Variants in PSD3 observed in about 807,000 individuals in gnomAD.
PSD3 encodes PH and SEC7 domain-containing protein 3.
PSD3 carries 49 observed loss-of-function variants against 105.5 expected under a neutral mutation model. The ratio of observed to expected loss-of-function variants is 0.46; its 90% CI spans 0.37 to 0.59. The LOEUF (loss-of-function observed/expected upper bound fraction) is 0.59, where lower values mean the gene tolerates loss of function less well. Ranked by LOEUF, PSD3 falls within the 20% of genes least tolerant of loss-of-function variation. The pLI is 0.00. For synonymous variants in PSD3, 557 were observed against 457.8 expected (o/e 1.22, Z -2.77); for missense variants, 1,561 against 1,263.8 (o/e 1.24, Z -3.57).
chr8:19,026,529 A>G (rs1827555268), intron 1 of PSD3, among the ~76,000 whole-genome samples: 1 of 151,974 alleles, frequency 6.6e-6, no homozygotes, highest in Non-Finnish European at 1.5e-5. Flanking sequence ...AGTTTCCAGC[A>G]CTGGGTATAT....
At chr8:18,616,203 T>G (rs1343544530) in intron 11 of PSD3, among the ~76,000 whole-genome samples, 1 of 152,234 alleles carries the variant, frequency 6.6e-6, no homozygotes, top group African/African-American at 2.4e-5. Context: ...CACGATGGCC[T>G]CTTAGCTTTT....
chr8:18,727,802 A>AT (rs1192251534), intron 9 of PSD3, among the ~76,000 whole-genome samples: 1 of 152,154 alleles, frequency 6.6e-6, no homozygotes, highest in East Asian at 1.9e-4. Flanking sequence ...CCCAAGTAAA[A>AT]TTATGCTCTT....
chr8:18,727,580 A>ACG (rs1554482142), intron 9 of PSD3, among the ~76,000 whole-genome samples: 63 of 148,634 alleles, frequency 4.2e-4, no homozygotes, highest in African/African-American at 1.2e-3. Context: ...ACACACACAC[A>ACG]CACGCACGCA....
intron 1 of PSD3, chr8:18,940,568 T>G (rs1276830571): frequency 6.6e-6 from 1 of 152,176 alleles, no homozygotes; most frequent in Non-Finnish European, 1.5e-5. Flanking sequence ...AATATAAAAT[T>G]CATTCTGCTT....
chr8:18,802,950 A>C (rs1397189956), intron 6 of PSD3, among the ~76,000 whole-genome samples: 1 of 152,216 alleles, frequency 6.6e-6, no homozygotes, highest in Admixed American at 6.5e-5. Flanking sequence ...GCTGACATTC[A>C]TTTTTATTCC....
intron 12 of PSD3, among the ~76,000 whole-genome samples, chr8:18,579,096 C>CCA (rs3988324): frequency 0.051 from 7,307 of 143,566 alleles, 198 homozygotes; most frequent in African/African-American, 0.069. Context: ...AGCTCCAAGT[C>CCA]CACACACACA....
chr8:18,799,017 A>T, intron 8 of PSD3: 1 of 326,196 alleles, frequency 3.1e-6, no homozygotes, highest in Non-Finnish European at 5.7e-6. Context: ...AATAAGTAAA[A>T]GCTCTGTCTG....
chr8:18,905,298 C>T (rs187194956), intron 2 of PSD3, among the ~76,000 whole-genome samples: 4 of 152,296 alleles, frequency 2.6e-5, no homozygotes, highest in Admixed American at 1.3e-4. Flanking sequence ...CTCCATGCCT[C>T]ACCAACTCTC....
intron 1 of PSD3, among the ~76,000 whole-genome samples, chr8:19,080,979 CT>C (rs1354311915): frequency 6.6e-6 from 1 of 152,146 alleles, no homozygotes; most frequent in East Asian, 1.9e-4. Flanking sequence ...CTTTTCCCCC[CT>C]GTCTTTTGAG....
intron 1 of PSD3, among the ~76,000 whole-genome samples, chr8:19,053,250 C>T (rs1315173861): frequency 6.6e-6 from 1 of 152,078 alleles, no homozygotes; most frequent in Admixed American, 6.5e-5. Context: ...GTGGTGGGAA[C>T]AAATGGGGAT....
intron 1 of PSD3, among the ~76,000 whole-genome samples, chr8:19,006,701 AC>A (rs1826698160): frequency 6.6e-6 from 1 of 151,988 alleles, no homozygotes; most frequent in African/African-American, 2.4e-5. Context: ...CTTATTTCTA[AC>A]CACTGGACAC....
upstream of PSD3, among the ~76,000 whole-genome samples, chr8:19,017,271 A>G (rs900730606): frequency 6.6e-6 from 1 of 151,738 alleles, no homozygotes; most frequent in Non-Finnish European, 1.5e-5. Flanking sequence ...CTAGTGTCCA[A>G]CTCCTGGCCT....
At chr8:18,554,454 T>C (rs1359838321) in intron 15 of PSD3, among the ~76,000 whole-genome samples, 1 of 152,202 alleles carries the variant, frequency 6.6e-6, no homozygotes, top group East Asian at 1.9e-4. Flanking sequence ...TAAGAAACGT[T>C]TACCTTTACC....
At chr8:18,890,850 C>T (rs1243072966) in intron 2 of PSD3, among the ~76,000 whole-genome samples, 1 of 152,020 alleles carries the variant, frequency 6.6e-6, no homozygotes, top group Non-Finnish European at 1.5e-5. Flanking sequence ...GAAAAGGGGT[C>T]GAGTGGCAGA....
chr8:18,917,400 A>G (rs914073268), intron 2 of PSD3, among the ~76,000 whole-genome samples: 6 of 152,174 alleles, frequency 3.9e-5, no homozygotes, highest in Non-Finnish European at 8.8e-5. Flanking sequence ...TCATGGCACG[A>G]CACAGGGGCA....
At chr8:19,066,682 C>T (rs1481775715) in intron 1 of PSD3, among the ~76,000 whole-genome samples, 4 of 152,196 alleles carry the variant, frequency 2.6e-5, no homozygotes, top group Non-Finnish European at 4.4e-5. Context: ...ACTTCGTATG[C>T]CTTGATTTCT....
intron 15 of PSD3, among the ~76,000 whole-genome samples, chr8:18,537,168 C>T (rs982055368): frequency 5.3e-5 from 8 of 152,228 alleles, no homozygotes; most frequent in African/African-American, 1.7e-4. Flanking sequence ...CGCTGGTTGC[C>T]GATGATGACA....
intron 1 of PSD3, among the ~76,000 whole-genome samples, chr8:18,997,037 T>G (rs1332557599): frequency 6.6e-6 from 1 of 151,940 alleles, no homozygotes; most frequent in East Asian, 1.9e-4. Flanking sequence ...CCTTTATTGG[T>G]GCCTTCTCAT....
chr8:18,616,969 T>G (rs1297145274), intron 11 of PSD3, among the ~76,000 whole-genome samples: 1 of 152,156 alleles, frequency 6.6e-6, no homozygotes, highest in Non-Finnish European at 1.5e-5. Context: ...CCCCCATTCT[T>G]TCTGTAACTT....
Sources: gnomAD v4.1 joint callset for allele counts (sites outside exome capture counted in the v4.1 genomes callset) on GRCh38, gnomAD v4.1.1 for gene constraint, MANE v1.5 for transcripts, NCBI Gene and HGNC (gene_info 2026-07-23, HGNC 2026-07-21) for gene names.